Variants in SLC39A11 observed in about 807,000 individuals in gnomAD.
SLC39A11 encodes the protein zinc transporter ZIP11.
In SLC39A11, 33 loss-of-function variants were observed where a neutral mutation model predicts 36.1. That is an observed-to-expected ratio of 0.91 (90% CI 0.69 to 1.22). The LOEUF is 1.22. Ranked by LOEUF, SLC39A11 falls within the 50% of genes most tolerant of loss-of-function variation. The pLI, the probability that SLC39A11 is intolerant of heterozygous loss-of-function variation, is 0.00. For missense variants in SLC39A11, 432 were observed against 430.3 expected (o/e 1.00, Z -0.03); for synonymous variants, 166 against 170.3 (o/e 0.97, Z 0.20).
At position 72,647,260 on chromosome 17, in the gene SLC39A11, T is replaced by C. The variant is rs917073791; in HGVS notation, c.*324A>G. On this transcript the variant is annotated 3_prime_UTR_variant, in exon 10 of 10. Transcript: ENST00000255559. ...CGCTTCTATAGGTGACCTTGAGGAG[T>C]TGGGAGGCAGATAGAAGGTCCCGAA... The C allele has an allele frequency of 2.8e-5, 6 of 211,016 alleles. No homozygotes were observed. The South Asian group carries it at 4.0e-4, about 14-fold the overall frequency. 13.1% of individuals were successfully genotyped at this position (211,016 alleles called of 1,614,324 possible).
At chr17:72,793,941 C>T (rs190854822) in intron 6 of SLC39A11, among the ~76,000 whole-genome samples, 4 of 151,502 alleles carry the variant, frequency 2.6e-5, no homozygotes, top group South Asian at 2.1e-4. Flanking sequence ...GATACCACAC[C>T]GGCCAGTATA....
intron 7 of SLC39A11, among the ~76,000 whole-genome samples, chr17:72,728,116 A>G (rs1363321003): frequency 6.6e-6 from 1 of 152,140 alleles, no homozygotes; most frequent in Non-Finnish European, 1.5e-5. Context: ...AAAAACAGGG[A>G]TTGTGTCCAC....
chr17:72,841,093 A>C (rs1055720864), intron 6 of SLC39A11, among the ~76,000 whole-genome samples: 4 of 152,166 alleles, frequency 2.6e-5, no homozygotes, highest in African/African-American at 9.7e-5. Flanking sequence ...CCTAACTCTC[A>C]AACAGCCCCT....
At chr17:72,720,000 G>A (rs76357629) in intron 7 of SLC39A11, among the ~76,000 whole-genome samples, 7,059 of 152,254 alleles carry the variant, frequency 0.046, 214 homozygotes, top group African/African-American at 0.075. Flanking sequence ...AAACTGGGGC[G>A]CAAAAGGGAA....
intron 6 of SLC39A11, among the ~76,000 whole-genome samples, chr17:72,753,805 T>C (rs938351737): frequency 6.6e-6 from 1 of 150,602 alleles, no homozygotes; most frequent in African/African-American, 2.5e-5. Context: ...CTTCAAAGTA[T>C]TTCCTTAAAG....
At chr17:72,961,534 T>A (rs949183753) in intron 4 of SLC39A11, among the ~76,000 whole-genome samples, 2 of 152,166 alleles carry the variant, frequency 1.3e-5, no homozygotes, top group Non-Finnish European at 2.9e-5. Context: ...GTGGCACATA[T>A]ACACCATGGA....
At chr17:72,947,523 G>A (rs184740905) in intron 5 of SLC39A11, 102 of 612,856 alleles carry the variant, frequency 1.7e-4, no homozygotes, top group Admixed American at 9.0e-4. Context: ...AAAAGGTACC[G>A]TTACCTTCTG....
At chr17:72,956,041 CATAA>C (rs764224784) in intron 4 of SLC39A11, among the ~76,000 whole-genome samples, 8 of 152,226 alleles carry the variant, frequency 5.3e-5, no homozygotes, top group African/African-American at 1.7e-4. Flanking sequence ...TCCTTTCTGG[CATAA>C]ATAGTCAGAG....
intron 3 of SLC39A11, among the ~76,000 whole-genome samples, chr17:73,059,006 T>C (rs940339446): frequency 1.3e-5 from 2 of 152,226 alleles, no homozygotes; most frequent in African/African-American, 2.4e-5. Flanking sequence ...TAAAAGTTTA[T>C]AAATGAATTT....
At chr17:72,908,470 A>T (rs778633047) in intron 5 of SLC39A11, among the ~76,000 whole-genome samples, 1 of 152,160 alleles carries the variant, frequency 6.6e-6, no homozygotes, top group Non-Finnish European at 1.5e-5. Context: ...CCAAGACACT[A>T]TGTGACTTGC....
At chr17:72,825,193 T>C (rs2077966117) in intron 6 of SLC39A11, among the ~76,000 whole-genome samples, 1 of 152,134 alleles carries the variant, frequency 6.6e-6, no homozygotes, top group Non-Finnish European at 1.5e-5. Context: ...TGCACAACAT[T>C]GGGACACTGC....
At chr17:73,034,097 C>A (rs2058827658) in intron 3 of SLC39A11, among the ~76,000 whole-genome samples, 1 of 152,316 alleles carries the variant, frequency 6.6e-6, no homozygotes, top group South Asian at 2.1e-4. Context: ...CCTGCTACAG[C>A]CTAATCCACC....
Position 72,871,580 on chromosome 17 carries a change from T to C in SLC39A11, c.431-21776A>G, listed in dbSNP as rs775990791. 6.1e-4 allele frequency among the ~76,000 whole-genome samples: 93 copies of C among 152,070 alleles called. 1 individual carries two copies. Among genetic ancestry groups the C allele is most frequent in the Non-Finnish European group, 1.6e-4 (11 of 68,020 alleles). On this transcript the variant is annotated intron_variant, in intron 5 of 9. Transcript: ENST00000255559. Reference sequence around the variant, plus strand: ...AATGATTTAATCCATCATGCCTGCATAATGACCCATCCATAAAACCCCAGA... The same window carrying C: ...AATGATTTAATCCATCATGCCTGCACAATGACCCATCCATAAAACCCCAGA...
chr17:73,040,109 A>T (rs2059059766), intron 3 of SLC39A11, among the ~76,000 whole-genome samples: 1 of 152,200 alleles, frequency 6.6e-6, no homozygotes, highest in African/African-American at 2.4e-5. Flanking sequence ...GATAGAAACT[A>T]CTCCAAGAAA....
intron 4 of SLC39A11, among the ~76,000 whole-genome samples, chr17:73,002,046 G>A (rs571335002): frequency 1.8e-4 from 28 of 152,034 alleles, no homozygotes; most frequent in Non-Finnish European, 3.1e-4. Context: ...GATATTCCAG[G>A]CCTTGAGCTA....
In SLC39A11 at chr17:72,902,439, C is replaced by G. The variant is rs1598349482; in HGVS notation, c.430+45313G>C. On this transcript the variant is annotated intron_variant, in intron 5 of 9. Transcript: ENST00000255559. ...GGCAAGTAAGGATTCTCTCCTTGAG[C>G]CTTCAGAGGGAGCATGGGTGGCCCT... Among the ~76,000 whole-genome samples, 3 of 97,212 alleles carry G rather than the reference C, an allele frequency of 3.1e-5. No homozygotes were observed. In the Middle Eastern group the frequency reaches 0.015, roughly 477 times the overall value. The allele number at this position is 97,212 out of a possible 152,430, so 63.8% of individuals were successfully genotyped here. A position where few individuals can be genotyped will look rare whatever the true frequency, so the allele number is the denominator to read the frequency against.
intron 5 of SLC39A11, among the ~76,000 whole-genome samples, chr17:72,893,525 T>C (rs1297667625): frequency 6.6e-6 from 1 of 152,222 alleles, no homozygotes; most frequent in Non-Finnish European, 1.5e-5. Context: ...GTTCCTTAGC[T>C]ATCTATATTG....
At chr17:72,921,464 G>C (rs2083665331) in intron 5 of SLC39A11, among the ~76,000 whole-genome samples, 1 of 152,128 alleles carries the variant, frequency 6.6e-6, no homozygotes, top group Admixed American at 6.5e-5. Context: ...AGATCAGAGT[G>C]GAGAGGAGAA....
chr17:72,647,311 C>G lies in SLC39A11; in HGVS notation c.*273G>C, dbSNP rs2069601274. On this transcript the variant is annotated 3_prime_UTR_variant, in exon 10 of 10. Coordinates refer to ENST00000255559, the MANE Select transcript of SLC39A11 (RefSeq NM_139177.4). ...GTGGAGATTTCCCTGATCTGAAGTT[C>G]CTTGATAATCCCACTGAAGAGAGAG... 3 of 266,378 alleles carry G rather than the reference C, an allele frequency of 1.1e-5. No individual in the cohort carries two copies. The highest frequency in any genetic ancestry group is 1.4e-5 in the Non-Finnish European group (2 of 140,206). 16.5% of individuals were successfully genotyped at this position (266,378 alleles called of 1,614,324 possible).
Sources: gnomAD v4.1 joint callset for allele counts (sites outside exome capture counted in the v4.1 genomes callset) on GRCh38, gnomAD v4.1.1 for gene constraint, MANE v1.5 for transcripts, NCBI Gene and HGNC (gene_info 2026-07-23, HGNC 2026-07-21) for gene names.